Variants in TNRC18 observed in about 807,000 individuals in gnomAD.
The protein encoded by TNRC18 is trinucleotide repeat containing 18.
Under a neutral mutation model 226.7 loss-of-function variants are expected in TNRC18, and 69 were observed. The ratio of observed to expected loss-of-function variants is 0.30; its 90% CI spans 0.25 to 0.37. The LOEUF (loss-of-function observed/expected upper bound fraction) is 0.37, where lower values mean the gene tolerates loss of function less well. Ranked by LOEUF, TNRC18 falls within the 10% of genes least tolerant of loss-of-function variation. The probability of loss-of-function intolerance (pLI) is 1.00; values close to 1 mark genes in which losing one functional copy is unlikely to be tolerated. For missense variants in TNRC18, 4,754 were observed against 4,256.6 expected, an observed-to-expected ratio of 1.12 and a Z score of -3.25; for synonymous variants, 2,449 against 1,927.6, an observed-to-expected ratio of 1.27 and a Z score of -7.09.
chr7:5,385,345 G>A (rs553321952), intron 5 of TNRC18, among the ~76,000 whole-genome samples: 9 of 152,022 alleles, frequency 5.9e-5, no homozygotes, highest in South Asian at 4.1e-4. Flanking sequence ...AAAATTAGCC[G>A]GGCGCGGTGG....
intron 14 of TNRC18, among the ~76,000 whole-genome samples, chr7:5,360,766 C>A (rs1792949956): frequency 6.6e-6 from 1 of 152,158 alleles, no homozygotes; most frequent in African/African-American, 2.4e-5. Flanking sequence ...TCCATCCTCT[C>A]TTCGGTCAGA....
Position 5,366,318 on chromosome 7 carries a change from C to CTTTTTTT in TNRC18, c.4220-3500_4220-3494dup, listed in dbSNP as rs202053648. On this transcript the variant is annotated intron_variant, in intron 11 of 29. Transcript: ENST00000430969. ...AATGCTTGTTTTGCTCTTCTTATATCTTTTTTTTTTTTTTTTTTTTTTTTT... is the reference window on the plus strand; with the variant it reads ...AATGCTTGTTTTGCTCTTCTTATATCTTTTTTTTTTTTTTTTTTTTTTTTTTTTTTTT... 3.1e-3 allele frequency among the ~76,000 whole-genome samples: 220 copies of CTTTTTTT among 70,478 alleles called. 40 individuals carry two copies. The highest frequency in any genetic ancestry group is 4.8e-3 in the African/African-American group (76 of 15,854). 46.2% of individuals were successfully genotyped at this position (70,478 alleles called of 152,430 possible).
chr7:5,396,687 C>T lies in TNRC18; in HGVS notation c.188-2092G>A, dbSNP rs546343242. 3.9e-5 allele frequency among the ~76,000 whole-genome samples: 6 copies of T among 152,196 alleles called. No individual in the cohort carries two copies. In the East Asian group the frequency reaches 5.8e-4, roughly 15 times the overall value. ...GGTGCTACCACTGGCCAGCCCCCAG[C>T]GGAGGGATTCCGTGTGTACCCTAGA... On this transcript the variant is annotated intron_variant, in intron 2 of 29. Coordinates refer to ENST00000430969, the MANE Select transcript of TNRC18 (RefSeq NM_001080495.3).
At chr7:5,345,526 A>ACCCCCCC in intron 18 of TNRC18, 36 bp downstream of exon 18, 4 of 177,494 alleles carry the variant, frequency 2.3e-5, no homozygotes, top group Admixed American at 7.5e-5. Context: ...CGCCCCTCCC[A>ACCCCCCC]CCCACCCCCA....
chr7:5,356,137 C>A (rs2128152869), intron 16 of TNRC18, among the ~76,000 whole-genome samples: 1 of 150,612 alleles, frequency 6.6e-6, no homozygotes, highest in Middle Eastern at 3.4e-3. Flanking sequence ...GCACTCCAGC[C>A]TGGACGACAG....
intron 18 of TNRC18, among the ~76,000 whole-genome samples, chr7:5,341,921 T>C (rs532343929): frequency 6.6e-6 from 1 of 152,352 alleles, no homozygotes; most frequent in East Asian, 1.9e-4. Context: ...ATGTACCTTG[T>C]CACCCAAGAG....
intron 17 of TNRC18, 65 bp downstream of exon 17, chr7:5,351,754 C>G (rs1227810466): frequency 1.0e-5 from 15 of 1,475,710 alleles, no homozygotes; most frequent in Middle Eastern, 1.8e-4. Flanking sequence ...GCTTCCCTCT[C>G]GCTCACTCGC....
In TNRC18 at chr7:5,371,222, C is replaced by A; in HGVS notation, c.3372G>T (p.Leu1124=). ...TGGGCTTGTCTTCGGGTGAGAGTGC[C>A]AGGCGCTCGGGCCCATCAGCCGGGA... ...VPLPADGPER[L]ALSPEDKPIR... is the part of the protein sequence containing the mutation. Residue 1124 remains leucine, a synonymous_variant, in exon 11 of 30, where the codon CTG becomes CTT. Coordinates refer to ENST00000430969, the MANE Select transcript of TNRC18 (RefSeq NM_001080495.3). 6.2e-7 allele frequency: 1 copy of A among 1,605,768 alleles called. No homozygotes were observed. The highest frequency in any genetic ancestry group is 2.2e-5 in the East Asian group (1 of 44,626).
chr7:5,375,049 C>A (rs1794522778), intron 9 of TNRC18, among the ~76,000 whole-genome samples: 1 of 152,206 alleles, frequency 6.6e-6, no homozygotes, highest in South Asian at 2.1e-4. Context: ...AGTGCTCCCG[C>A]CTGGAATCCC....
Position 5,376,209 on chromosome 7 carries a change from C to G in TNRC18, c.2624G>C (p.Arg875Pro). 2 of 1,507,966 alleles carry G rather than the reference C, an allele frequency of 1.3e-6. No individual in the cohort carries two copies. Among genetic ancestry groups the G allele is most frequent in the South Asian group, 2.6e-5 (2 of 76,712 alleles). 93.4% of individuals were successfully genotyped at this position (1,507,966 alleles called of 1,614,324 possible). A position where few individuals can be genotyped will look rare whatever the true frequency, so the allele number is the denominator to read the frequency against. ...GGGCCAGAGGGGCGGTACGGTGGCC[C>G]GCTCCATCAGCTCCGCTGCAGGGAC... is the stretch of plus-strand genomic sequence containing the variant. ...HLPHFAELME[R>P]ATVPPLWPAL... Residue 875 changes from arginine to proline, a missense_variant, in exon 9 of 30, where the codon CGG becomes CCG. By Grantham distance (103) the Arg-to-Pro change is moderately radical. Coordinates refer to ENST00000430969, the MANE Select transcript of TNRC18 (RefSeq NM_001080495.3).
At position 5,324,390 on chromosome 7, in the gene TNRC18, A is replaced by C. The variant is rs756240368; in HGVS notation, c.6301-35T>G. 1.9e-6 allele frequency: 3 copies of C among 1,609,740 alleles called. No homozygotes were observed. The highest frequency in any genetic ancestry group is 2.7e-5 in the African/African-American group (2 of 74,884). ...GAACATGGCCGACAAATGACTTAGG[A>C]CCTGAACAGGGGTCCTGCCGGGTTG... is the stretch of plus-strand genomic sequence containing the variant. On this transcript the variant is annotated intron_variant, in intron 20 of 29. Transcript: ENST00000430969. This position sits in a 1 kb window ranked among gnomAD's most constrained non-coding sequence, Gnocchi z 4.8.
Position 5,313,755 on chromosome 7 carries a change from G to A in TNRC18, c.7136C>T (p.Pro2379Leu), listed in dbSNP as rs768028075. 6.4e-7 allele frequency: 1 copy of A among 1,553,312 alleles called. No homozygotes were observed. The highest frequency in any genetic ancestry group is 1.4e-5 in the African/African-American group (1 of 73,092). Residue 2379 changes from proline to leucine, a missense_variant, in exon 27 of 30, where the codon CCT becomes CTT. Physicochemically the swap from Pro to Leu is moderately conservative, Grantham distance 98. Transcript: ENST00000430969. ...GGGGGCCTTGGCTCGCTTGTCCACA[G>A]GCTCTGGGGGGCTCTTCTTGGAACC... Reference protein sequence around the residue: ...TPGSKKSPPEPVDKRAKAPKA... With the variant: ...TPGSKKSPPELVDKRAKAPKA...
Position 5,376,863 on chromosome 7 carries a change from A to G in TNRC18, c.2592T>C (p.Asp864=), listed in dbSNP as rs755757454. The change falls in exon 8 of 30, where the codon GAT becomes GAC. Residue 864 remains aspartate (D), a synonymous_variant. Coordinates refer to ENST00000430969, the MANE Select transcript of TNRC18 (RefSeq NM_001080495.3). ...TCCACTTACCAAAGTGAGGAAGGTG[A>G]TCACTGGGAATGACCACCAGCTGGC... ...QSGQLVVIPS[D]HLPHFAELME... The G allele has an allele frequency of 3.8e-5, 61 of 1,611,564 alleles. No individual in the cohort carries two copies. In the South Asian group the frequency reaches 6.4e-4, roughly 17 times the overall value.
chr7:5,335,835 G>T (rs1379565203), intron 18 of TNRC18, among the ~76,000 whole-genome samples: 1 of 126,836 alleles, frequency 7.9e-6, no homozygotes, highest in Admixed American at 8.1e-5. Context: ...ATATTCACTG[G>T]AAAAAAAAAA....
At chr7:5,375,915 T>TGCCC in intron 9 of TNRC18, 119 bp downstream of exon 9, 2 of 1,023,250 alleles carry the variant, frequency 2.0e-6, no homozygotes, top group Non-Finnish European at 2.8e-6. Flanking sequence ...CCTGACCACC[T>TGCCC]GCCCCTCTGC....
intron 17 of TNRC18, among the ~76,000 whole-genome samples, chr7:5,349,139 G>A (rs924069716): frequency 6.6e-6 from 1 of 152,214 alleles, no homozygotes; most frequent in Non-Finnish European, 1.5e-5. Context: ...CCACGCCAGA[G>A]CCCAGAAAGC....
intron 4 of TNRC18, 125 bp from the exon 5 acceptor site, chr7:5,389,461 G>GTTTTTTTGTTTTTTTTTTGTTTTGT (rs1554297477): frequency 3.5e-6 from 2 of 565,558 alleles, no homozygotes; most frequent in Non-Finnish European, 4.5e-6. Context: ...TTTGGTTTTG[G>GTTTTTTTGTTTTTTTTTTGTTTTGT]TTTTTTTTTT....
intron 21 of TNRC18, among the ~76,000 whole-genome samples, chr7:5,323,857 C>G (rs1402457042): frequency 6.6e-6 from 1 of 152,156 alleles, no homozygotes; most frequent in Non-Finnish European, 1.5e-5. Context: ...CATGGGCCAC[C>G]ACGCTCGGCC....
At chr7:5,365,497 C>T (rs568084405) in intron 11 of TNRC18, among the ~76,000 whole-genome samples, 41 of 152,098 alleles carry the variant, frequency 2.7e-4, no homozygotes, top group Non-Finnish European at 5.7e-4. Flanking sequence ...ATGAATATGA[C>T]CAGGTGTGTG....
Sources: gnomAD v4.1 joint callset for allele counts (sites outside exome capture counted in the v4.1 genomes callset) on GRCh38, gnomAD v4.1.1 for gene constraint, Gnocchi (gnomAD v3.1) non-coding constraint, MANE v1.5 for transcripts, NCBI Gene and HGNC (gene_info 2026-07-23, HGNC 2026-07-21) for gene names.